The following POMT1 variants were observed in gnomAD, a reference collection of about 807,000 sequenced individuals.
The protein encoded by POMT1 is protein O-mannosyltransferase 1.
Under a neutral mutation model 101.6 loss-of-function variants are expected in POMT1, and 85 were observed. The ratio of observed to expected loss-of-function variants is 0.84; its 90% CI spans 0.70 to 1.00. The LOEUF (loss-of-function observed/expected upper bound fraction) is 1.00, where lower values mean the gene tolerates loss of function less well. Ranked by LOEUF, POMT1 falls within the 50% of genes least tolerant of loss-of-function variation. POMT1 has a pLI of 0.00. For synonymous variants in POMT1, 371 were observed against 383.0 expected, an observed-to-expected ratio of 0.97 and a Z score of 0.37; for missense variants, 857 against 930.4, an observed-to-expected ratio of 0.92 and a Z score of 1.03.
chr9:131,506,144 C>T lies in POMT1; in HGVS notation c.153C>T (p.Ile51=), dbSNP rs758851609. 1.2e-6 allele frequency: 2 copies of T among 1,613,828 alleles called. No individual in the cohort carries two copies. Among genetic ancestry groups the T allele is most frequent in the South Asian group, 2.2e-5 (2 of 91,082 alleles). The change falls in exon 3 of 20, where the codon ATC becomes ATT. Residue 51 remains isoleucine, a synonymous_variant. Transcript: ENST00000402686. ...VFDEVYYGQY[I]SFYMKQIFFL... ...ACGAAGTATATTATGGGCAGTACAT[C>T]TCTTTTTACATGAAACAAATCTTCT...
At position 131,509,625 on chromosome 9, in the gene POMT1, G is replaced by A. The variant is rs759772822; in HGVS notation, c.540-118G>A. On this transcript the variant is annotated intron_variant, in intron 6 of 19. Transcript: ENST00000402686. ...ATGGGAATTCTTTCTTACTGCCCCT[G>A]TGGCTCAGCATGGCCAGCCGACCCA... 9.2e-5 allele frequency: 146 copies of A among 1,590,584 alleles called. 1 individual carries two copies. The highest frequency in any genetic ancestry group is 1.2e-4 in the Non-Finnish European group (139 of 1,166,644).
Position 131,510,364 on chromosome 9 carries a change from C to T in POMT1, c.804C>T (p.Arg268=), listed in dbSNP as rs1946848059. The T allele has an allele frequency of 6.2e-7, 1 of 1,614,102 alleles. No homozygotes were observed. Among genetic ancestry groups the T allele is most frequent in the Non-Finnish European group, 8.5e-7 (1 of 1,180,042 alleles). Reference sequence around the variant, plus strand: ...ACGTCCACTTGATTCTAGTCTTCCGCTCTGGGCCCCACGACCAAATCATGT... The same window carrying T: ...ACGTCCACTTGATTCTAGTCTTCCGTTCTGGGCCCCACGACCAAATCATGT... ...FFYVHLILVF[R]SGPHDQIMSS... is the part of the protein sequence containing the mutation. Residue 268 remains arginine (R), a synonymous_variant, in exon 9 of 20, where the codon CGC becomes CGT. Coordinates refer to ENST00000402686, the MANE Select transcript of POMT1 (RefSeq NM_001077365.2).
At chr9:131,521,954 T>TAGTA in intron 18 of POMT1, 93 bp from the exon 19 acceptor site, 1 of 1,590,594 alleles carries the variant, frequency 6.3e-7, no homozygotes, top group Non-Finnish European at 8.5e-7. Context: ...CTGGGCAACA[T>TAGTA]AGTAAGAACC....
intron 2 of POMT1, among the ~76,000 whole-genome samples, chr9:131,504,778 TG>T (rs1945395912): frequency 6.7e-6 from 1 of 149,040 alleles, no homozygotes; most frequent in Non-Finnish European, 1.5e-5. Flanking sequence ...TGTGTGTGTG[TG>T]TGTGTGTGTG....
In POMT1 at chr9:131,522,926, C is replaced by G. The variant is rs1314856775; in HGVS notation, c.2004-6C>G. 1 of 1,582,034 alleles carries G rather than the reference C, an allele frequency of 6.3e-7. No homozygotes were observed. Among genetic ancestry groups the G allele is most frequent in the South Asian group, 1.1e-5 (1 of 87,948 alleles). ...ACCCTCCCCCACGCTGCTCTGACCT[C>G]TGCAGGTCCCAGCTCCAGAGGAGCA... On this transcript the variant is annotated splice_polypyrimidine_tract_variant and splice_region_variant and intron_variant, in intron 19 of 19. Transcript: ENST00000402686. This position sits in a 1 kb window ranked among gnomAD's most constrained non-coding sequence, Gnocchi z 5.5.
intron 18 of POMT1, 42 bp downstream of exon 18, chr9:131,521,514 G>C: frequency 1.2e-6 from 2 of 1,601,180 alleles, no homozygotes; most frequent in Non-Finnish European, 8.6e-7. Flanking sequence ...TTTTAATATA[G>C]ACATGGGGTC....
rs1312100955 is a variant in POMT1, at chr9:131,519,700, G to A, written c.1584+214G>A. Among the ~76,000 whole-genome samples, 1 of 152,168 alleles carries A rather than the reference G, an allele frequency of 6.6e-6. No individual in the cohort carries two copies. The highest frequency in any genetic ancestry group is 1.5e-5 in the Non-Finnish European group (1 of 68,026). ...TGGCCCTGTGGTCAGGAATAATAGG[G>A]ACCCAGGAGGTTCTGCAACATCGCC... On this transcript the variant is annotated intron_variant, in intron 16 of 19. Coordinates refer to ENST00000402686, the MANE Select transcript of POMT1 (RefSeq NM_001077365.2). The surrounding 1 kb of genome is among the most constrained non-coding windows in gnomAD (Gnocchi z 4.3).
rs112108228 is a variant in POMT1, at chr9:131,506,731, G to A, written c.280+278G>A. ...CACAGAGCGTCTGATTGTGATGATC[G>A]GTTGTACATGTGAATTTTGTCCATT... On this transcript the variant is annotated intron_variant, in intron 4 of 19. Coordinates refer to ENST00000402686, the MANE Select transcript of POMT1 (RefSeq NM_001077365.2). 732 of 458,272 alleles carry A rather than the reference G, an allele frequency of 1.6e-3. 5 individuals are homozygous for A. Among genetic ancestry groups the A allele is most frequent in the African/African-American group, 0.011 (535 of 50,726 alleles). The allele number at this position is 458,272 out of a possible 1,614,324, so 28.4% of individuals were successfully genotyped here.
intron 12 of POMT1, among the ~76,000 whole-genome samples, chr9:131,514,896 C>T (rs530978436): frequency 6.6e-6 from 1 of 152,310 alleles, no homozygotes; most frequent in East Asian, 1.9e-4. Flanking sequence ...GCAGAGATTG[C>T]AGTGAGCTGA....
In POMT1 at chr9:131,523,071, A is replaced by T. The variant is rs886044082; in HGVS notation, c.2143A>T (p.Lys715Ter). ...SPHELKALRWKDSWDILIRKH is the reference protein window; with the variant it reads ...SPHELKALRW Reference sequence around the variant, plus strand: ...ACATGAACTCAAGGCCCTTCGCTGGAAAGACAGCTGGGACATCTTGATCCG... The same window carrying T: ...ACATGAACTCAAGGCCCTTCGCTGGTAAGACAGCTGGGACATCTTGATCCG... The change falls in exon 20 of 20, where the codon AAA becomes TAA. Residue 715 changes from lysine (K) to a stop codon, truncating the protein, a stop_gained. Coordinates refer to ENST00000402686, the MANE Select transcript of POMT1 (RefSeq NM_001077365.2). LOFTEE classifies it high-confidence loss of function. 6.2e-7 allele frequency: 1 copy of T among 1,611,650 alleles called. No individual in the cohort carries two copies. The highest frequency in any genetic ancestry group is 1.7e-5 in the Admixed American group (1 of 59,982).
At chr9:131,505,764 G>C (rs1373158585) in intron 2 of POMT1, among the ~76,000 whole-genome samples, 6 of 150,820 alleles carry the variant, frequency 4.0e-5, no homozygotes, top group East Asian at 2.0e-4. Flanking sequence ...GGGCGGGGGT[G>C]GGGGGGTTGG....
chr9:131,514,401 G>C (rs1296792793), intron 12 of POMT1, among the ~76,000 whole-genome samples: 1 of 152,194 alleles, frequency 6.6e-6, no homozygotes, highest in African/African-American at 2.4e-5. Flanking sequence ...AATGTTCTTG[G>C]ACTTGGCTCC....
intron 13 of POMT1, among the ~76,000 whole-genome samples, chr9:131,516,080 C>CA (rs1564368688): frequency 5.1e-3 from 168 of 33,106 alleles, no homozygotes; most frequent in East Asian, 0.011. Flanking sequence ...CTTCCTCACA[C>CA]GGAGCACTTC....
chr9:131,510,292 A>G lies in POMT1; in HGVS notation c.732A>G (p.Ala244=). The change falls in exon 9 of 20, where the codon GCA becomes GCG. Residue 244 remains alanine (A), a synonymous_variant. Coordinates refer to ENST00000402686, the MANE Select transcript of POMT1 (RefSeq NM_001077365.2). ...TGTTCTGTCACTTGCTCGCCCGAGCAGTGGCTTTGCTGGTCATCCCGGTCG... is the reference window on the plus strand; with the variant it reads ...TGTTCTGTCACTTGCTCGCCCGAGCGGTGGCTTTGCTGGTCATCCCGGTCG... ...VCVFCHLLAR[A]VALLVIPVVL... 6.2e-7 allele frequency: 1 copy of G among 1,614,234 alleles called. No homozygotes were observed.
In POMT1 at chr9:131,503,326, C is replaced by T; in HGVS notation, c.-31+253C>T. The T allele has an allele frequency of 6.5e-6, 1 of 153,770 alleles. No individual in the cohort carries two copies. The highest frequency in any genetic ancestry group is 1.4e-5 in the Non-Finnish European group (1 of 69,234). 9.5% of individuals were successfully genotyped at this position (153,770 alleles called of 1,614,324 possible). A position where few individuals can be genotyped will look rare whatever the true frequency, so the allele number is the denominator to read the frequency against. On this transcript the variant is annotated intron_variant, in intron 1 of 19. Coordinates refer to ENST00000402686, the MANE Select transcript of POMT1 (RefSeq NM_001077365.2). The surrounding 1 kb of genome is among the most constrained non-coding windows in gnomAD (Gnocchi z 4.4). ...GTGCAGTCTCAGGGTGAGGACGGAG[C>T]TGGGGCCGACGCAGCCTCGGGAGTT... is the stretch of plus-strand genomic sequence containing the variant.
intron 5 of POMT1, 93 bp downstream of exon 5, chr9:131,507,607 C>T (rs547826490): frequency 2.6e-6 from 4 of 1,557,698 alleles, no homozygotes; most frequent in African/African-American, 1.4e-5. Flanking sequence ...GGGCGAGCTG[C>T]ACCAGAAAGT....
rs1949892054 is a variant in POMT1 at position 131,521,425 on chromosome 9, TGTG to T, written c.1781_1783del (p.Trp594del). On this transcript the variant is annotated inframe_deletion, in exon 18 of 20. Coordinates refer to ENST00000402686, the MANE Select transcript of POMT1 (RefSeq NM_001077365.2). ...CTGGCCATCTACGCCCTGCTGTCCTTGTGGTACCTGCTCCGACGGCGAAGAAAT... is the reference window on the plus strand; with the variant it reads ...CTGGCCATCTACGCCCTGCTGTCCTTGTACCTGCTCCGACGGCGAAGAAAT... 3.1e-6 allele frequency: 5 copies of T among 1,614,052 alleles called. No homozygotes were observed. The highest frequency in any genetic ancestry group is 4.2e-6 in the Non-Finnish European group (5 of 1,180,030).
chr9:131,514,220 CG>C (rs1947784422), intron 12 of POMT1, among the ~76,000 whole-genome samples: 1 of 152,172 alleles, frequency 6.6e-6, no homozygotes, highest in Admixed American at 6.5e-5. Flanking sequence ...GTCCGGCCTG[CG>C]GACCGTGCAC....
At chr9:131,515,861 G>A (rs1440371380) in intron 13 of POMT1, among the ~76,000 whole-genome samples, 1 of 74,598 alleles carries the variant, frequency 1.3e-5, no homozygotes, top group African/African-American at 4.6e-5. Context: ...TTCCTCACAG[G>A]GAGCACTTTC....
Sources: gnomAD v4.1 joint callset for allele counts (sites outside exome capture counted in the v4.1 genomes callset) on GRCh38, gnomAD v4.1.1 for gene constraint, Gnocchi (gnomAD v3.1) non-coding constraint, MANE v1.5 for transcripts, NCBI Gene and HGNC (gene_info 2026-07-23, HGNC 2026-07-21) for gene names.